DTNA: variants seen among roughly 807,000 people sequenced by gnomAD.
The protein encoded by DTNA is dystrophin-related protein 3.
DTNA carries 43 observed loss-of-function variants against 100.7 expected under a neutral mutation model. The observed-to-expected ratio is 0.43, with a 90% CI of 0.33 to 0.55. The LOEUF (loss-of-function observed/expected upper bound fraction) is 0.55. Among genes scored for constraint, DTNA ranks in the 20% least tolerant of loss-of-function variants. DTNA has a pLI of 0.04. For synonymous variants in DTNA, 349 were observed against 347.9 expected (o/e 1.00, Z -0.04); for missense variants, 798 against 953.9 (o/e 0.84, Z 2.15).
chr18:34,610,568 A>C (rs1037840458), intron 1 of DTNA, among the ~76,000 whole-genome samples: 3 of 152,218 alleles, frequency 2.0e-5, no homozygotes, highest in Non-Finnish European at 4.4e-5. Context: ...AAATGTATAG[A>C]TCCAAAGGGA....
At chr18:34,658,476 C>T (rs1452749382) in intron 1 of DTNA, among the ~76,000 whole-genome samples, 1 of 152,142 alleles carries the variant, frequency 6.6e-6, no homozygotes, top group Non-Finnish European at 1.5e-5. Flanking sequence ...CCTCAGCCTC[C>T]CGAGTTGCTG....
intron 1 of DTNA, among the ~76,000 whole-genome samples, chr18:34,747,195 G>T (rs568317404): frequency 6.6e-6 from 1 of 151,850 alleles, no homozygotes; most frequent in Admixed American, 6.6e-5. Flanking sequence ...TTTAAGGTGG[G>T]TCTTAAGTTA....
chr18:34,648,280 C>T (rs1479857001), intron 1 of DTNA, among the ~76,000 whole-genome samples: 1 of 152,004 alleles, frequency 6.6e-6, no homozygotes, highest in Non-Finnish European at 1.5e-5. Flanking sequence ...TCCACAGTCA[C>T]GATGAAAAGT....
chr18:34,510,006 C>T (rs1305478240), intron 1 of DTNA, among the ~76,000 whole-genome samples: 1 of 151,498 alleles, frequency 6.6e-6, no homozygotes, highest in Admixed American at 6.6e-5. Context: ...TCTAACTTCA[C>T]TCACCCAATA....
chr18:34,675,013 C>T (rs2077228039), intron 1 of DTNA, among the ~76,000 whole-genome samples: 1 of 152,140 alleles, frequency 6.6e-6, no homozygotes, highest in African/African-American at 2.4e-5. Flanking sequence ...GGAAGTTAGA[C>T]TTACCTTGTT....
At chr18:34,747,252 A>G (rs2091751584) in intron 1 of DTNA, among the ~76,000 whole-genome samples, 1 of 152,174 alleles carries the variant, frequency 6.6e-6, no homozygotes, top group African/African-American at 2.4e-5. Flanking sequence ...CTAATGTTGT[A>G]CAAGTAAGTT....
At chr18:34,617,193 T>C (rs1024681620) in intron 1 of DTNA, among the ~76,000 whole-genome samples, 1 of 150,680 alleles carries the variant, frequency 6.6e-6, no homozygotes, top group African/African-American at 2.5e-5. Context: ...ATCCGTGTCT[T>C]CTTCTGGTTC....
chr18:34,856,203 A>C (rs1461079177), intron 15 of DTNA, among the ~76,000 whole-genome samples: 8 of 152,180 alleles, frequency 5.3e-5, no homozygotes, highest in African/African-American at 1.4e-4. Context: ...CAGCAAGTAC[A>C]TCCTAAGCTC....
intron 1 of DTNA, among the ~76,000 whole-genome samples, chr18:34,576,611 G>A (rs184951537): frequency 1.1e-3 from 163 of 152,096 alleles, no homozygotes; most frequent in Middle Eastern, 3.4e-3. Flanking sequence ...GGCACATGCC[G>A]CCATGCCCGG....
chr18:34,706,044 T>C (rs541858050), upstream of DTNA, among the ~76,000 whole-genome samples: 1 of 152,296 alleles, frequency 6.6e-6, no homozygotes, highest in African/African-American at 2.4e-5. Flanking sequence ...GCCTCCCAGG[T>C]ACAAGCGATT....
At chr18:34,609,411 A>C (rs911004786) in intron 1 of DTNA, among the ~76,000 whole-genome samples, 1 of 151,518 alleles carries the variant, frequency 6.6e-6, no homozygotes, top group Admixed American at 6.6e-5. Context: ...CACCCGGCTA[A>C]TTTTTTGTAT....
At chr18:34,556,466 C>T (rs991395924) in intron 1 of DTNA, among the ~76,000 whole-genome samples, 3 of 151,080 alleles carry the variant, frequency 2.0e-5, no homozygotes, top group Admixed American at 6.6e-5. Flanking sequence ...TTCCTAGTCT[C>T]GATGGTCTTT....
intron 1 of DTNA, among the ~76,000 whole-genome samples, chr18:34,513,099 C>T (rs761362202): frequency 1.3e-5 from 2 of 152,064 alleles, no homozygotes; most frequent in Non-Finnish European, 2.9e-5. Context: ...TTTTCAAAGA[C>T]ATAGCTTTTA....
At chr18:34,808,650 A>G (rs1170852244) in intron 5 of DTNA, among the ~76,000 whole-genome samples, 1 of 152,178 alleles carries the variant, frequency 6.6e-6, no homozygotes, top group Non-Finnish European at 1.5e-5. Flanking sequence ...GATCTTTACA[A>G]TTGTGAAAAC....
chr18:34,603,897 T>A (rs192395386), intron 1 of DTNA, among the ~76,000 whole-genome samples: 94 of 152,278 alleles, frequency 6.2e-4, no homozygotes, highest in African/African-American at 2.1e-3. Flanking sequence ...TTCAGAAGTT[T>A]TAAAGCTTAA....
At chr18:34,771,371 C>T (rs372680598) in intron 3 of DTNA, among the ~76,000 whole-genome samples, 4 of 152,082 alleles carry the variant, frequency 2.6e-5, no homozygotes, top group Middle Eastern at 3.4e-3. Context: ...TGGTGGCGGG[C>T]GCCTGCAGTC....
At chr18:34,866,263 G>A in intron 17 of DTNA, 1 of 1,576,700 alleles carries the variant, frequency 6.3e-7, no homozygotes, top group East Asian at 2.3e-5. Context: ...ATACTAATTT[G>A]CTTCTTTTTC....
At chr18:34,677,037 C>T (rs2077480613) in intron 1 of DTNA, among the ~76,000 whole-genome samples, 2 of 152,148 alleles carry the variant, frequency 1.3e-5, no homozygotes, top group Non-Finnish European at 2.9e-5. Flanking sequence ...GCTCTGCATA[C>T]TCTGGAGTTG....
intron 1 of DTNA, among the ~76,000 whole-genome samples, chr18:34,750,335 A>G (rs975577005): frequency 3.3e-5 from 5 of 152,322 alleles, no homozygotes; most frequent in East Asian, 1.9e-4. Flanking sequence ...CAGTGTAACA[A>G]TGTCCTAAAA....
Sources: allele counts gnomAD v4.1 joint callset (sites outside exome capture counted in the v4.1 genomes callset), GRCh38; gene constraint gnomAD v4.1.1; transcripts MANE v1.5; gene names NCBI Gene and HGNC (gene_info 2026-07-23, HGNC 2026-07-21).